Variants in GABRB2 observed in about 807,000 individuals in gnomAD.
The protein encoded by GABRB2 is gamma-aminobutyric acid receptor subunit beta-2.
A neutral mutation model predicts 54.7 loss-of-function variants in GABRB2; 16 were observed. That is an observed-to-expected ratio of 0.29 (90% CI 0.20 to 0.44). The LOEUF is 0.44. Ranked by LOEUF, GABRB2 falls within the 20% of genes least tolerant of loss-of-function variation. The pLI is 1.00. For missense variants in GABRB2, 355 were observed against 644.0 expected, an observed-to-expected ratio of 0.55 and a Z score of 4.86; for synonymous variants, 244 against 233.8, an observed-to-expected ratio of 1.04 and a Z score of -0.40.
At chr5:161,405,366 T>G (rs1277791272) in intron 5 of GABRB2, among the ~76,000 whole-genome samples, 1 of 152,110 alleles carries the variant, frequency 6.6e-6, no homozygotes, top group Non-Finnish European at 1.5e-5. Context: ...GATGCTATAA[T>G]GATAACAGCT....
chr5:161,369,525 G>A (rs1755070218), intron 5 of GABRB2, among the ~76,000 whole-genome samples: 1 of 144,746 alleles, frequency 6.9e-6, no homozygotes. Flanking sequence ...AGAGAGAGAG[G>A]AGGAGAGGGA....
chr5:161,419,653 T>C (rs1756790569), intron 4 of GABRB2, among the ~76,000 whole-genome samples: 1 of 152,252 alleles, frequency 6.6e-6, no homozygotes, highest in East Asian at 1.9e-4. Context: ...ATCTTGTCTT[T>C]GCAGCAACAC....
intron 3 of GABRB2, among the ~76,000 whole-genome samples, chr5:161,534,954 T>C (rs750048599): frequency 3.9e-5 from 6 of 152,176 alleles, no homozygotes; most frequent in Admixed American, 3.9e-4. Flanking sequence ...TGTAGAATAT[T>C]CATATAGTGC....
chr5:161,535,475 G>C (rs758767212), intron 3 of GABRB2, among the ~76,000 whole-genome samples: 3 of 151,980 alleles, frequency 2.0e-5, no homozygotes, highest in Non-Finnish European at 4.4e-5. Context: ...CAACTATAAC[G>C]AAACAAGGTC....
chr5:161,346,087 A>G (rs1451041980), intron 5 of GABRB2, among the ~76,000 whole-genome samples: 3 of 152,140 alleles, frequency 2.0e-5, no homozygotes, highest in Non-Finnish European at 4.4e-5. Flanking sequence ...TCATCAAAAG[A>G]AAGGCAATGC....
At chr5:161,322,358 C>T (rs935269938) in intron 9 of GABRB2, among the ~76,000 whole-genome samples, 5 of 152,118 alleles carry the variant, frequency 3.3e-5, no homozygotes, top group South Asian at 4.2e-4. Flanking sequence ...GCCTCTGCCT[C>T]CCTTGTAGCT....
At chr5:161,326,154 A>G (rs1443129607) in intron 9 of GABRB2, among the ~76,000 whole-genome samples, 1 of 152,160 alleles carries the variant, frequency 6.6e-6, no homozygotes, top group East Asian at 1.9e-4. Context: ...TGAGTGAAAC[A>G]CTGAAGCTTA....
intron 8 of GABRB2, chr5:161,329,859 G>A (rs1360127367): frequency 1.3e-5 from 2 of 152,134 alleles, no homozygotes; most frequent in African/African-American, 4.8e-5. Context: ...TGTGGCCTCT[G>A]GGAAGATACA....
At chr5:161,519,100 A>C (rs1034520472) in intron 3 of GABRB2, among the ~76,000 whole-genome samples, 16 of 152,192 alleles carry the variant, frequency 1.1e-4, no homozygotes, top group African/African-American at 3.9e-4. Context: ...AGAAAGGTTA[A>C]GTTTCATGTC....
intron 4 of GABRB2, among the ~76,000 whole-genome samples, chr5:161,418,720 A>AAATGTTTGCAAACTAGGC (rs1311360012): frequency 6.6e-6 from 1 of 152,206 alleles, no homozygotes; most frequent in Non-Finnish European, 1.5e-5. Context: ...GAATGGGAGA[A>AAATGTTTGCAAACTAGGC]AATGTTTGCA....
intron 5 of GABRB2, among the ~76,000 whole-genome samples, chr5:161,382,162 A>G (rs1414783149): frequency 6.6e-6 from 1 of 152,212 alleles, no homozygotes; most frequent in Non-Finnish European, 1.5e-5. Flanking sequence ...GGGGAAGAAC[A>G]GGGAGAAGAA....
At chr5:161,542,966 CA>C (rs1482351073) in intron 3 of GABRB2, among the ~76,000 whole-genome samples, 6 of 152,038 alleles carry the variant, frequency 3.9e-5, no homozygotes, top group South Asian at 2.1e-4. Flanking sequence ...ACAAACATCA[CA>C]AAAAAATTTC....
At chr5:161,384,980 A>G (rs981010060) in intron 5 of GABRB2, among the ~76,000 whole-genome samples, 2 of 152,154 alleles carry the variant, frequency 1.3e-5, no homozygotes, top group Non-Finnish European at 2.9e-5. Context: ...CTCTCAAAAT[A>G]GAAGTTTGCC....
chr5:161,459,956 T>C (rs1334299406), intron 3 of GABRB2, 112 bp from the exon 4 acceptor site: 1 of 648,566 alleles, frequency 1.5e-6, no homozygotes, highest in East Asian at 2.9e-5. Context: ...TTTATTTTTA[T>C]TTTTTTGAGA....
intron 5 of GABRB2, among the ~76,000 whole-genome samples, chr5:161,401,280 G>T (rs529136136): frequency 4.4e-4 from 67 of 152,160 alleles, no homozygotes; most frequent in African/African-American, 1.4e-3. Context: ...TTTCTTTCTG[G>T]TTTTTCCACT....
chr5:161,461,311 C>A (rs947837663), intron 3 of GABRB2, among the ~76,000 whole-genome samples: 1 of 152,250 alleles, frequency 6.6e-6, no homozygotes, highest in African/African-American at 2.4e-5. Flanking sequence ...CCCAGCCTTA[C>A]GGACAAGTAG....
intron 5 of GABRB2, among the ~76,000 whole-genome samples, chr5:161,402,890 C>T (rs901455312): frequency 1.3e-5 from 2 of 152,284 alleles, no homozygotes; most frequent in South Asian, 4.1e-4. Flanking sequence ...TCATTATAGT[C>T]ACCTGAAGAA....
At chr5:161,485,085 A>T (rs1423831816) in intron 3 of GABRB2, among the ~76,000 whole-genome samples, 1 of 151,444 alleles carries the variant, frequency 6.6e-6, no homozygotes, top group Non-Finnish European at 1.5e-5. Context: ...CATTTGAGCA[A>T]CTCCTTTTCA....
intron 3 of GABRB2, among the ~76,000 whole-genome samples, chr5:161,498,370 C>T (rs549841359): frequency 7.3e-5 from 11 of 150,938 alleles, no homozygotes; most frequent in African/African-American, 2.2e-4. Context: ...TTTAGCTATA[C>T]TTAAAATGGC....
Sources: allele counts gnomAD v4.1 joint callset (sites outside exome capture counted in the v4.1 genomes callset), GRCh38; gene constraint gnomAD v4.1.1; transcripts MANE v1.5; gene names NCBI Gene and HGNC (gene_info 2026-07-23, HGNC 2026-07-21).